SSH2: variants seen among roughly 807,000 people sequenced by gnomAD.
The protein encoded by SSH2 is protein phosphatase Slingshot homolog 2.
In SSH2, 37 loss-of-function variants were observed where a neutral mutation model predicts 135.2. The observed-to-expected ratio is 0.27, with a 90% CI of 0.21 to 0.36. SSH2 has a LOEUF of 0.36. Ranked by LOEUF, SSH2 falls within the 10% of genes least tolerant of loss-of-function variation. SSH2 has a pLI of 1.00. For synonymous variants in SSH2, 628 were observed against 646.2 expected (o/e 0.97, Z 0.43); for missense variants, 1,408 against 1,765.3 (o/e 0.80, Z 3.63).
chr17:29,680,551 C>CAAAAAAAAA (rs1160865828), intron 6 of SSH2, among the ~76,000 whole-genome samples: 604 of 21,536 alleles, frequency 0.028, 214 homozygotes, highest in South Asian at 0.033. Flanking sequence ...GACTCCCTCT[C>CAAAAAAAAA]AAAAAAAAAA....
intron 3 of SSH2, among the ~76,000 whole-genome samples, chr17:29,725,519 C>A (rs2039973812): frequency 6.6e-6 from 1 of 152,044 alleles, no homozygotes. Context: ...CAATGATAGA[C>A]TGGATAAAGA....
intron 6 of SSH2, among the ~76,000 whole-genome samples, chr17:29,680,314 GC>G (rs2037917845): frequency 2.0e-5 from 3 of 151,986 alleles, no homozygotes; most frequent in Admixed American, 2.0e-4. Flanking sequence ...TGTAATCCCA[GC>G]ACTTTGGGAG....
At chr17:29,833,647 CCTT>C (rs1568002348) in intron 2 of SSH2, among the ~76,000 whole-genome samples, 2 of 5,508 alleles carry the variant, frequency 3.6e-4, no homozygotes, top group Non-Finnish European at 6.3e-4. Flanking sequence ...GTTTTTTTTT[CCTT>C]CCTTCCTTCC....
chr17:29,658,006 T>C (rs895181364), intron 11 of SSH2, among the ~76,000 whole-genome samples: 1 of 134,684 alleles, frequency 7.4e-6, no homozygotes, highest in South Asian at 2.2e-4. Flanking sequence ...ACAATCTGTA[T>C]TTTTTTTTTT....
At chr17:29,655,672 A>T in intron 11 of SSH2, 65 bp from the exon 12 acceptor site, 1 of 1,453,406 alleles carries the variant, frequency 6.9e-7, no homozygotes, top group African/African-American at 1.4e-5. Context: ...CTTGAAAAGG[A>T]GCGAGAGAAG....
chr17:29,759,564 A>C (rs2041226615), intron 3 of SSH2, among the ~76,000 whole-genome samples: 1 of 152,172 alleles, frequency 6.6e-6, no homozygotes, highest in Admixed American at 6.5e-5. Context: ...CTTCAAATAC[A>C]AATTTCCTAC....
intron 14 of SSH2, chr17:29,639,868 AAT>A (rs2036074208): frequency 6.6e-6 from 1 of 152,134 alleles, no homozygotes; most frequent in African/African-American, 2.4e-5. Flanking sequence ...TCCTGAAATA[AAT>A]ATGAGTGTAT....
intron 3 of SSH2, among the ~76,000 whole-genome samples, chr17:29,739,079 T>G (rs1379878512): frequency 6.6e-6 from 1 of 152,210 alleles, no homozygotes; most frequent in Non-Finnish European, 1.5e-5. Flanking sequence ...AGTTCTCACA[T>G]GGACTAAGAA....
chr17:29,801,727 T>C (rs1403208451), intron 2 of SSH2, among the ~76,000 whole-genome samples: 3 of 152,226 alleles, frequency 2.0e-5, no homozygotes, highest in Admixed American at 6.5e-5. Context: ...CATTGCCCTT[T>C]GCATCTCACT....
chr17:29,672,266 A>G, intron 8 of SSH2, 137 bp from the exon 9 acceptor site: 2 of 606,122 alleles, frequency 3.3e-6, no homozygotes, highest in Non-Finnish European at 5.7e-6. Context: ...GAAAGTCAAG[A>G]TTCTCCAATT....
In SSH2 at chr17:29,771,868, T is replaced by C. The variant is rs376399841; in HGVS notation, c.188+22026A>G. Among the ~76,000 whole-genome samples, 9 of 152,324 alleles carry C rather than the reference T, an allele frequency of 5.9e-5. No homozygotes were observed. The East Asian group carries it at 9.7e-4, about 16-fold the overall frequency. ...ACTTCCCTGGCCATATTTCACTTTCTATGTCTTTCTTCTCTGAAATCAGGT... is the reference window on the plus strand; with the variant it reads ...ACTTCCCTGGCCATATTTCACTTTCCATGTCTTTCTTCTCTGAAATCAGGT... On this transcript the variant is annotated intron_variant, in intron 3 of 15. Coordinates refer to ENST00000540801, the MANE Select transcript of SSH2 (RefSeq NM_001282129.2).
intron 3 of SSH2, among the ~76,000 whole-genome samples, chr17:29,719,387 C>T (rs769944252): frequency 4.6e-5 from 7 of 152,008 alleles, no homozygotes; most frequent in Admixed American, 1.3e-4. Flanking sequence ...TGGCTCACGC[C>T]TGTAATCCCA....
At chr17:29,823,855 G>A (rs1355496737) in intron 2 of SSH2, among the ~76,000 whole-genome samples, 2 of 123,740 alleles carry the variant, frequency 1.6e-5, no homozygotes, top group Non-Finnish European at 3.2e-5. Context: ...CTCCAGCCTG[G>A]ACAACAGAGT....
chr17:29,833,561 G>A (rs977398450), intron 2 of SSH2, among the ~76,000 whole-genome samples: 1 of 152,008 alleles, frequency 6.6e-6, no homozygotes, highest in Non-Finnish European at 1.5e-5. Flanking sequence ...TTTGATTGCA[G>A]AGTTTAGTCC....
At chr17:29,801,421 T>C (rs1051048789) in intron 2 of SSH2, among the ~76,000 whole-genome samples, 1 of 152,180 alleles carries the variant, frequency 6.6e-6, no homozygotes, top group African/African-American at 2.4e-5. Context: ...AGTCATCTCA[T>C]TTATCATTCT....
chr17:29,852,955 T>C (rs1240887421), intron 1 of SSH2, among the ~76,000 whole-genome samples: 1 of 151,938 alleles, frequency 6.6e-6, no homozygotes, highest in Admixed American at 6.6e-5. Flanking sequence ...CGAATTAATA[T>C]TTAGGACCTC....
intron 3 of SSH2, among the ~76,000 whole-genome samples, chr17:29,767,635 A>ACG (rs1276712841): frequency 6.6e-6 from 1 of 151,428 alleles, no homozygotes; most frequent in Non-Finnish European, 1.5e-5. Context: ...ACACGCACAC[A>ACG]CACACACACA....
At chr17:29,867,734 T>C (rs2065876830) in intron 1 of SSH2, among the ~76,000 whole-genome samples, 2 of 152,226 alleles carry the variant, frequency 1.3e-5, no homozygotes, top group South Asian at 4.1e-4. Flanking sequence ...CTTAGAATGC[T>C]GAGACTACAA....
intron 1 of SSH2, among the ~76,000 whole-genome samples, chr17:29,911,485 A>G (rs951634398): frequency 2.0e-5 from 3 of 152,238 alleles, no homozygotes; most frequent in African/African-American, 4.8e-5. Context: ...GTATACAACT[A>G]TAAGCCCCAT....
Sources: gnomAD v4.1 joint callset for allele counts (sites outside exome capture counted in the v4.1 genomes callset) on GRCh38, gnomAD v4.1.1 for gene constraint, MANE v1.5 for transcripts, NCBI Gene and HGNC (gene_info 2026-07-23, HGNC 2026-07-21) for gene names.